The following DPP6 variants were observed in gnomAD, a reference collection of about 807,000 sequenced individuals.
DPP6 encodes dipeptidyl peptidase like 6, also known as A-type potassium channel modulatory protein DPP6.
Under a neutral mutation model 122.6 loss-of-function variants are expected in DPP6, and 69 were observed. The ratio of observed to expected loss-of-function variants is 0.56; its 90% CI spans 0.46 to 0.69. The LOEUF (loss-of-function observed/expected upper bound fraction) is 0.69. DPP6 is among the 30% of genes least tolerant of loss of function. The probability of loss-of-function intolerance (pLI) is 0.00; values close to 1 mark genes in which losing one functional copy is unlikely to be tolerated. For synonymous variants in DPP6, 418 were observed against 433.1 expected (o/e 0.97, Z 0.43); for missense variants, 928 against 1,116.9 (o/e 0.83, Z 2.41).
chr7:154,232,250 A>G (rs1009357239), intron 1 of DPP6, among the ~76,000 whole-genome samples: 2 of 152,158 alleles, frequency 1.3e-5, no homozygotes, highest in Non-Finnish European at 2.9e-5. Flanking sequence ...GTAGGCCAAG[A>G]AACAGCAATC....
upstream of DPP6, among the ~76,000 whole-genome samples, chr7:154,050,280 A>G (rs1195439966): frequency 6.6e-6 from 1 of 152,224 alleles, no homozygotes; most frequent in Non-Finnish European, 1.5e-5. Context: ...GTTACCTACA[A>G]TGCCTTGAGA....
chr7:154,737,681 G>T (rs906744767), intron 8 of DPP6, among the ~76,000 whole-genome samples: 1 of 152,176 alleles, frequency 6.6e-6, no homozygotes, highest in Non-Finnish European at 1.5e-5. Context: ...TGCTGCATAT[G>T]AGTTGCATTA....
intron 1 of DPP6, among the ~76,000 whole-genome samples, chr7:154,188,833 C>T (rs1461692170): frequency 6.6e-6 from 1 of 152,196 alleles, no homozygotes; most frequent in Non-Finnish European, 1.5e-5. Context: ...CAATAGGATA[C>T]TTCATCAGTC....
chr7:154,132,423 G>A (rs186072016), intron 1 of DPP6, among the ~76,000 whole-genome samples: 1 of 152,212 alleles, frequency 6.6e-6, no homozygotes, highest in Non-Finnish European at 1.5e-5. Context: ...ATCCACCACT[G>A]CTCATGCTGC....
At chr7:154,584,130 G>A (rs999775783) in intron 5 of DPP6, among the ~76,000 whole-genome samples, 10 of 152,164 alleles carry the variant, frequency 6.6e-5, no homozygotes, top group African/African-American at 1.2e-4. Context: ...TGCTGGCCAC[G>A]CTGCCTTCAG....
chr7:154,329,581 TG>T (rs1042997060), intron 1 of DPP6, among the ~76,000 whole-genome samples: 2 of 152,192 alleles, frequency 1.3e-5, no homozygotes, highest in Admixed American at 6.5e-5. Flanking sequence ...TTCACACTGT[TG>T]GGGGGAGTGT....
intron 1 of DPP6, among the ~76,000 whole-genome samples, chr7:154,083,312 G>A (rs1287011874): frequency 2.0e-5 from 3 of 152,106 alleles, no homozygotes; most frequent in Admixed American, 1.3e-4. Context: ...CCTTGCAGAA[G>A]AAATATCCCA....
At chr7:154,600,327 C>T (rs1833358192) in intron 5 of DPP6, among the ~76,000 whole-genome samples, 1 of 118,316 alleles carries the variant, frequency 8.5e-6, no homozygotes, top group African/African-American at 2.7e-5. Context: ...TGGGGTTTCA[C>T]CATGTTGGCC....
At chr7:154,152,960 T>C (rs537892877) in intron 1 of DPP6, among the ~76,000 whole-genome samples, 109 of 152,352 alleles carry the variant, frequency 7.2e-4, no homozygotes, top group African/African-American at 2.5e-3. Flanking sequence ...GACAGTCCCA[T>C]GGCTGGACAA....
intron 1 of DPP6, among the ~76,000 whole-genome samples, chr7:154,296,587 A>G (rs1805556671): frequency 6.6e-6 from 1 of 152,140 alleles, no homozygotes; most frequent in Non-Finnish European, 1.5e-5. Flanking sequence ...CACTGTGATT[A>G]CCGTTATCTT....
At chr7:154,193,156 A>C (rs979829883) in intron 1 of DPP6, among the ~76,000 whole-genome samples, 5 of 152,240 alleles carry the variant, frequency 3.3e-5, no homozygotes, top group African/African-American at 1.2e-4. Context: ...AAATGTCAAC[A>C]CCAGATTGAA....
At chr7:154,564,431 G>GA (rs1027992053) in intron 4 of DPP6, among the ~76,000 whole-genome samples, 3 of 152,068 alleles carry the variant, frequency 2.0e-5, no homozygotes, top group Non-Finnish European at 2.9e-5. Flanking sequence ...CAAAATTGGA[G>GA]AAAAAACACC....
At chr7:154,433,656 A>G (rs1451709052) in intron 1 of DPP6, among the ~76,000 whole-genome samples, 2 of 152,176 alleles carry the variant, frequency 1.3e-5, no homozygotes, top group Non-Finnish European at 2.9e-5. Context: ...AACACTCCTC[A>G]TAATGTCAAT....
chr7:154,199,094 C>T (rs1054233029), intron 1 of DPP6, among the ~76,000 whole-genome samples: 4 of 151,734 alleles, frequency 2.6e-5, no homozygotes, highest in Non-Finnish European at 5.9e-5. Flanking sequence ...CTCGAGGCTG[C>T]TTGGAGCCCT....
At chr7:154,275,806 TGGCCTTA>T (rs1804090279) in intron 1 of DPP6, among the ~76,000 whole-genome samples, 1 of 152,246 alleles carries the variant, frequency 6.6e-6, no homozygotes, top group Non-Finnish European at 1.5e-5. Context: ...ACAACCTTAA[TGGCCTTA>T]AAGGCCAAGA....
At chr7:154,804,856 A>C in intron 14 of DPP6, 61 bp from the exon 15 acceptor site, 1 of 1,562,652 alleles carries the variant, frequency 6.4e-7, no homozygotes, top group Non-Finnish European at 8.7e-7. Context: ...AGTGCCAGGA[A>C]TGTGAAGTGC....
intron 10 of DPP6, among the ~76,000 whole-genome samples, chr7:154,789,504 C>A (rs1431778750): frequency 6.6e-6 from 1 of 152,222 alleles, no homozygotes; most frequent in Non-Finnish European, 1.5e-5. Flanking sequence ...CCAGTGCCAT[C>A]TGTGTTGCAG....
intron 1 of DPP6, among the ~76,000 whole-genome samples, chr7:154,123,045 A>G (rs920724615): frequency 1.3e-5 from 2 of 152,152 alleles, no homozygotes; most frequent in Admixed American, 6.5e-5. Flanking sequence ...TCAGAATCGT[A>G]TCAAAGGGTC....
At chr7:154,277,030 C>CA (rs1804184352) in intron 1 of DPP6, among the ~76,000 whole-genome samples, 1 of 152,078 alleles carries the variant, frequency 6.6e-6, no homozygotes. Context: ...AAATCACCAA[C>CA]AAAAAATACA....
Sources: gnomAD v4.1 joint callset for allele counts (sites outside exome capture counted in the v4.1 genomes callset) on GRCh38, gnomAD v4.1.1 for gene constraint, MANE v1.5 for transcripts, NCBI Gene and HGNC (gene_info 2026-07-23, HGNC 2026-07-21) for gene names.